RBM33: variants seen among roughly 807,000 people sequenced by gnomAD.
The protein encoded by RBM33 is RNA-binding protein 33.
A neutral mutation model predicts 132.6 loss-of-function variants in RBM33; 28 were observed. The observed-to-expected ratio is 0.21, with a 90% confidence interval of 0.16 to 0.29. The LOEUF (loss-of-function observed/expected upper bound fraction) is 0.29. Ranked by LOEUF, RBM33 falls within the 10% of genes least tolerant of loss-of-function variation. RBM33 has a pLI of 1.00. For synonymous variants in RBM33, 634 were observed against 593.0 expected, an observed-to-expected ratio of 1.07 and a Z score of -1.01; for missense variants, 1,291 against 1,518.5, an observed-to-expected ratio of 0.85 and a Z score of 2.49.
rs141594170 is a variant in RBM33 at position 155,729,945 on chromosome 7, C to A, written c.1261-7585C>A. On this transcript the variant is annotated intron_variant, in intron 9 of 17. Coordinates refer to ENST00000401878, the MANE Select transcript of RBM33 (RefSeq NM_053043.3). ...TAGTACATCCTAACCTTTGTTACTTCCTTCCTTCATTCAGCCATTCAGCAC... is the reference window on the plus strand; with the variant it reads ...TAGTACATCCTAACCTTTGTTACTTACTTCCTTCATTCAGCCATTCAGCAC... 6.3e-3 allele frequency among the ~76,000 whole-genome samples: 938 copies of A among 147,882 alleles called. 13 individuals carry two copies. Among genetic ancestry groups the A allele is most frequent in the African/African-American group, 0.024 (891 of 37,428 alleles).
chr7:155,667,094 C>G (rs1181454896), intron 2 of RBM33, among the ~76,000 whole-genome samples: 2 of 152,096 alleles, frequency 1.3e-5, no homozygotes, highest in Non-Finnish European at 2.9e-5. Flanking sequence ...ATTTTCTTTC[C>G]TGTACCATTT....
intron 7 of RBM33, among the ~76,000 whole-genome samples, chr7:155,707,744 C>T (rs187990377): frequency 6.6e-6 from 1 of 152,174 alleles, no homozygotes; most frequent in Non-Finnish European, 1.5e-5. Context: ...GCAACCTACA[C>T]CTCCTGGGTT....
At chr7:155,673,948 T>G (rs1369882026) in intron 3 of RBM33, among the ~76,000 whole-genome samples, 1,813 of 104,528 alleles carry the variant, frequency 0.017, 374 homozygotes, top group Middle Eastern at 0.043. Context: ...TAGTTTTTTT[T>G]TTTTTTTTTT....
intron 15 of RBM33, among the ~76,000 whole-genome samples, chr7:155,765,570 T>C (rs1482310830): frequency 2.0e-5 from 3 of 152,204 alleles, no homozygotes; most frequent in African/African-American, 7.2e-5. Context: ...AGGCCACTTT[T>C]GCATTCTGCC....
chr7:155,732,441 C>T (rs77026695), intron 9 of RBM33, among the ~76,000 whole-genome samples: 8,698 of 152,206 alleles, frequency 0.057, 245 homozygotes, highest in African/African-American at 0.079. Flanking sequence ...TTTAAGCCAG[C>T]TCATTAGCAT....
intron 14 of RBM33, among the ~76,000 whole-genome samples, chr7:155,757,462 G>A (rs1801888377): frequency 6.6e-6 from 1 of 152,122 alleles, no homozygotes; most frequent in Admixed American, 6.5e-5. Flanking sequence ...CAGAAGCACA[G>A]CATTATAGTA....
intron 1 of RBM33, among the ~76,000 whole-genome samples, chr7:155,649,006 G>A (rs990571483): frequency 3.9e-5 from 6 of 152,022 alleles, no homozygotes; most frequent in African/African-American, 1.4e-4. Context: ...TATCCTGCTT[G>A]GAGTGGTGAG....
chr7:155,673,953 T>G lies in RBM33; in HGVS notation c.171+1038T>G, dbSNP rs1337035944. ...AGTTTAGGCTTAGTTTTTTTTTTTT[T>G]TTTTTTTTTTTTTTTTTTTGAGACA... is the stretch of plus-strand genomic sequence containing the variant. On this transcript the variant is annotated intron_variant, in intron 3 of 17. Transcript: ENST00000401878. 1.2e-3 allele frequency among the ~76,000 whole-genome samples: 134 copies of G among 110,148 alleles called. 19 individuals carry two copies. The East Asian group carries it at 0.02, about 17-fold the overall frequency. 72.3% of individuals were successfully genotyped at this position (110,148 alleles called of 152,430 possible).
intron 1 of RBM33, among the ~76,000 whole-genome samples, chr7:155,659,391 A>G (rs1210520471): frequency 2.6e-5 from 4 of 152,174 alleles, no homozygotes; most frequent in Non-Finnish European, 4.4e-5. Flanking sequence ...GAAGAAGTAG[A>G]GAATATTAAT....
At chr7:155,765,872 T>C (rs74847307) in intron 15 of RBM33, among the ~76,000 whole-genome samples, 8,708 of 152,236 alleles carry the variant, frequency 0.057, 248 homozygotes, top group African/African-American at 0.079. Flanking sequence ...CAATTGTGTT[T>C]TGTTTCTTTT....
rs373912234 is a variant in RBM33 at position 155,671,934 on chromosome 7, G to C, written c.123-933G>C. Among the ~76,000 whole-genome samples the C allele has an allele frequency of 2.3e-4, 35 of 152,084 alleles. No individual in the cohort carries two copies. The South Asian group carries it at 6.6e-3, about 29-fold the overall frequency. The stretch of plus-strand genomic sequence containing the variant: ...GTCTTCAGCTTTTTTATTTGCTAAG[G>C]GTTTCTGTTTTAGTTGTAAAAATAG... On this transcript the variant is annotated intron_variant, in intron 2 of 17. Coordinates refer to ENST00000401878, the MANE Select transcript of RBM33 (RefSeq NM_053043.3).
At chr7:155,756,469 A>G (rs947987700) in intron 14 of RBM33, among the ~76,000 whole-genome samples, 2 of 152,230 alleles carry the variant, frequency 1.3e-5, no homozygotes, top group African/African-American at 2.4e-5. Context: ...ACTAAAATCA[A>G]AAGTCAAAAT....
chr7:155,657,240 G>A (rs1424621), intron 1 of RBM33, among the ~76,000 whole-genome samples: 119,488 of 152,148 alleles, frequency 0.79, 47,539 homozygotes, highest in African/African-American at 0.91. Flanking sequence ...TGAAATTTCC[G>A]GAAAGTGCTA....
chr7:155,741,263 C>A (rs933104056), intron 12 of RBM33, among the ~76,000 whole-genome samples: 11 of 151,608 alleles, frequency 7.3e-5, no homozygotes, highest in African/African-American at 2.7e-4. Context: ...TTTGCCTCCT[C>A]CAGGTGTTGG....
At chr7:155,756,015 G>A (rs1801838647) in intron 14 of RBM33, among the ~76,000 whole-genome samples, 5 of 152,190 alleles carry the variant, frequency 3.3e-5, no homozygotes, top group Admixed American at 3.3e-4. Context: ...TCTCTCATGT[G>A]CTTTGGAGGA....
intron 1 of RBM33, among the ~76,000 whole-genome samples, chr7:155,661,099 TGTGTG>T (rs1467874802): frequency 1.1e-4 from 5 of 44,028 alleles, no homozygotes; most frequent in Non-Finnish European, 1.8e-4. Context: ...GTGTGTGTGG[TGTGTG>T]TGTGTGTGTG....
At chr7:155,734,432 G>A (rs1801049524) in intron 9 of RBM33, among the ~76,000 whole-genome samples, 1 of 152,094 alleles carries the variant, frequency 6.6e-6, no homozygotes, top group Non-Finnish European at 1.5e-5. Context: ...CGTTGGAAAT[G>A]GTTTTTCATA....
At chr7:155,645,173 G>A in intron 1 of RBM33, 1 of 404,872 alleles carries the variant, frequency 2.5e-6, no homozygotes, top group Non-Finnish European at 4.4e-6. Context: ...GGCTGCCTAA[G>A]TGTCAGGCCC....
In RBM33 at chr7:155,739,932, T is replaced by C. The variant is rs1418223890; in HGVS notation, c.1955T>C (p.Met652Thr). 2 of 1,552,022 alleles carry C rather than the reference T, an allele frequency of 1.3e-6. No homozygotes were observed. Among genetic ancestry groups the C allele is most frequent in the Non-Finnish European group, 1.7e-6 (2 of 1,147,574 alleles). Residue 652 changes from methionine to threonine, a missense_variant, in exon 12 of 18, where the codon ATG (methionine) becomes ACG (threonine). Coordinates refer to ENST00000401878, the MANE Select transcript of RBM33 (RefSeq NM_053043.3). ...LSVPPPPLMP[M>T]SQPQFRPHVQ... ...GTCCCGCCCCCTCCTTTGATGCCGA[T>C]GTCTCAGCCACAGTTCCGGCCTCAC...
Sources: gnomAD v4.1 joint callset for allele counts (sites outside exome capture counted in the v4.1 genomes callset) on GRCh38, gnomAD v4.1.1 for gene constraint, MANE v1.5 for transcripts, NCBI Gene and HGNC (gene_info 2026-07-23, HGNC 2026-07-21) for gene names.